Variants in SYTL2 observed in about 807,000 individuals in gnomAD.
SYTL2 encodes synaptotagmin-like protein 2.
A neutral mutation model predicts 198.7 loss-of-function variants in SYTL2; 165 were observed. The ratio of observed to expected loss-of-function variants is 0.83; its 90% confidence interval spans 0.73 to 0.94. The LOEUF is 0.94. Ranked by LOEUF, SYTL2 falls within the 40% of genes least tolerant of loss-of-function variation. The pLI is 0.00. For missense variants in SYTL2, 2,835 were observed against 2,582.8 expected (o/e 1.10, Z -2.12); for synonymous variants, 966 against 917.7 (o/e 1.05, Z -0.95).
rs765995586 is a variant in SYTL2, at chr11:85,695,241, G to T, written c.6674C>A (p.Ala2225Glu). 9 of 1,612,696 alleles carry T rather than the reference G, an allele frequency of 5.6e-6. No individual in the cohort carries two copies. The East Asian group carries it at 1.8e-4, about 32-fold the overall frequency. The change falls in exon 20 of 20, where the codon GCA (alanine) becomes GAA (glutamate). Residue 2225 changes from alanine to glutamate, a missense_variant. This residue lies in a region of SYTL2 where 185 missense variants were observed against 182.1 expected (regional missense o/e 1.02). Coordinates refer to ENST00000359152, the MANE Select transcript of SYTL2 (RefSeq NM_206927.4). The part of the protein sequence containing the change: ...MVNSPNTWIE[A>E]TLPLRMLLIA... ...CAAAAGCATTCTGAGAGGCAGTGTT[G>T]CTTCAATCCAAGTATTGGGGGAGTT...
intron 1 of SYTL2, among the ~76,000 whole-genome samples, chr11:85,803,189 A>G (rs976060037): frequency 6.6e-6 from 1 of 152,258 alleles, no homozygotes; most frequent in African/African-American, 2.4e-5. Context: ...AGGTTCAAGA[A>G]TGCATATTAT....
chr11:85,719,778 CTGGGA>C (rs1052175593), intron 9 of SYTL2, among the ~76,000 whole-genome samples: 3 of 152,162 alleles, frequency 2.0e-5, no homozygotes, highest in Admixed American at 6.5e-5. Flanking sequence ...CTTCAAACCC[CTGGGA>C]ATCTGTGAAT....
At chr11:85,701,702 G>C (rs1202330635) in intron 16 of SYTL2, among the ~76,000 whole-genome samples, 3 of 152,192 alleles carry the variant, frequency 2.0e-5, no homozygotes, top group Non-Finnish European at 4.4e-5. Context: ...CAGTTCCACT[G>C]TTGTGTAGAC....
intron 9 of SYTL2, chr11:85,719,062 TCA>T (rs1353500131): frequency 6.6e-7 from 1 of 1,511,372 alleles, no homozygotes; most frequent in Non-Finnish European, 8.8e-7. Flanking sequence ...GCAGCTCACA[TCA>T]CTGCTGCACA....
chr11:85,808,547 G>A (rs1173423541), intron 1 of SYTL2, among the ~76,000 whole-genome samples: 1 of 152,142 alleles, frequency 6.6e-6, no homozygotes, highest in African/African-American at 2.4e-5. Context: ...ACCAGAGAGT[G>A]GAAAATTCAA....
chr11:85,838,653 G>T, the SYTL2 span, among the ~76,000 whole-genome samples: 1 of 152,096 alleles, frequency 6.6e-6, no homozygotes, highest in Admixed American at 6.5e-5. Flanking sequence ...CAGATCTCAA[G>T]AGAACTCACT....
intron 9 of SYTL2, 76 bp downstream of exon 9, chr11:85,720,782 G>A: frequency 9.9e-7 from 1 of 1,014,594 alleles, no homozygotes; most frequent in Admixed American, 1.7e-5. Context: ...ACAGCACGCA[G>A]TGAGGCTACA....
chr11:85,762,398 G>A (rs2092120793), intron 1 of SYTL2, among the ~76,000 whole-genome samples: 1 of 152,178 alleles, frequency 6.6e-6, no homozygotes, highest in South Asian at 2.1e-4. Context: ...TTCTCCTTGG[G>A]TTCAGCCTCT....
chr11:85,813,628 G>A (rs976664030), upstream of SYTL2, among the ~76,000 whole-genome samples: 6 of 152,148 alleles, frequency 3.9e-5, no homozygotes, highest in Non-Finnish European at 7.3e-5. Flanking sequence ...CACAGAACTC[G>A]CTGGTTGACT....
At chr11:85,796,014 C>G (rs745480928) in intron 1 of SYTL2, among the ~76,000 whole-genome samples, 2 of 152,200 alleles carry the variant, frequency 1.3e-5, no homozygotes, top group Non-Finnish European at 2.9e-5. Flanking sequence ...CATAGAAGAG[C>G]CTTAACATTC....
chr11:85,754,399 A>G (rs1489816079), intron 2 of SYTL2, among the ~76,000 whole-genome samples: 1 of 152,198 alleles, frequency 6.6e-6, no homozygotes, highest in African/African-American at 2.4e-5. Context: ...GAATCAGTCT[A>G]CTAACTAGAA....
In SYTL2 at chr11:85,725,265, G is replaced by C; in HGVS notation, c.4093C>G (p.Pro1365Ala). 6.2e-7 allele frequency: 1 copy of C among 1,614,142 alleles called. No homozygotes were observed. Among genetic ancestry groups the C allele is most frequent in the Non-Finnish European group, 8.5e-7 (1 of 1,180,014 alleles). Residue 1365 changes from proline to alanine, a missense_variant, in exon 8 of 20, where the codon CCT becomes GCT. By Grantham distance (27) the Pro-to-Ala change is conservative (BLOSUM62 -1). This residue lies in a region of SYTL2 where 2,645 missense variants were observed against 2,381.7 expected (regional missense o/e 1.11). Transcript: ENST00000359152. ...GCAGCACTTACATCATTCAATACAGGTCTGGGTGGAAGAATGACTTTCTCT... is the reference window on the plus strand; with the variant it reads ...GCAGCACTTACATCATTCAATACAGCTCTGGGTGGAAGAATGACTTTCTCT... The part of the protein sequence containing the change: ...TVEKVILPPR[P>A]VLNDVSAALQ...
chr11:85,734,735 C>A lies in SYTL2; in HGVS notation c.594G>T (p.Leu198Phe). The change falls in exon 7 of 20, where the codon TTG becomes TTT. Residue 198 changes from leucine to phenylalanine, a missense_variant. Coordinates refer to ENST00000359152, the MANE Select transcript of SYTL2 (RefSeq NM_206927.4). ...GLFQTSKEDE[L>F]SESKEKSTVA... ...CAGTTGACTTTTCTTTTGACTCTGA[C>A]AATTCATCTGAAAATTAAAACACAG... 1.9e-6 allele frequency: 3 copies of A among 1,609,304 alleles called. No individual in the cohort carries two copies. Among genetic ancestry groups the A allele is most frequent in the Non-Finnish European group, 1.7e-6 (2 of 1,178,040 alleles).
intron 1 of SYTL2, among the ~76,000 whole-genome samples, chr11:85,789,365 T>TATATAC (rs1566026203): frequency 8.0e-5 from 5 of 62,656 alleles, no homozygotes; most frequent in African/African-American, 3.2e-4. Context: ...TATATATATA[T>TATATAC]ATATATATAT....
chr11:85,789,380 ATATATATATATATATATAT>A (rs2092696758), intron 1 of SYTL2, among the ~76,000 whole-genome samples: 1 of 72,284 alleles, frequency 1.4e-5, no homozygotes, highest in Admixed American at 1.7e-4. Context: ...ATATATATGT[ATATATATATATATATATAT>A]AATTTTTTTT....
chr11:85,793,878 C>T (rs1181718656), intron 1 of SYTL2, among the ~76,000 whole-genome samples: 6 of 152,118 alleles, frequency 3.9e-5, no homozygotes, highest in Admixed American at 3.9e-4. Context: ...GATATGAACC[C>T]TGGAAAATAT....
intron 16 of SYTL2, among the ~76,000 whole-genome samples, chr11:85,703,598 T>C (rs2084673396): frequency 6.6e-6 from 1 of 152,166 alleles, no homozygotes; most frequent in Non-Finnish European, 1.5e-5. Flanking sequence ...CAGGAGATAT[T>C]CACTAAGAGT....
chr11:85,835,279 T>A, the SYTL2 span, among the ~76,000 whole-genome samples: 1 of 152,192 alleles, frequency 6.6e-6, no homozygotes, highest in South Asian at 2.1e-4. Flanking sequence ...ATATCACTTT[T>A]AACAAAAACT....
At position 85,726,410 on chromosome 11, in the gene SYTL2, T is replaced by C. The variant is rs2089180502; in HGVS notation, c.2948A>G (p.Glu983Gly). 6.2e-7 allele frequency: 1 copy of C among 1,613,296 alleles called. No individual in the cohort carries two copies. The highest frequency in any genetic ancestry group is 1.3e-5 in the African/African-American group (1 of 74,946). Residue 983 changes from glutamate to glycine, a missense_variant, in exon 8 of 20, where the codon GAG (glutamate) becomes GGG (glycine). Glu to Gly is a moderately conservative substitution (Grantham distance 98). This residue lies in a region of SYTL2 where 2,645 missense variants were observed against 2,381.7 expected (regional missense o/e 1.11). Coordinates refer to ENST00000359152, the MANE Select transcript of SYTL2 (RefSeq NM_206927.4). ...AEQVYNPSQF[E>G]NLRKFWDLEA... ...TAAGTCCCAAAACTTTCTCAAATTCTCAAACTGAGAGGGATTATAGACCTG... is the reference window on the plus strand; with the variant it reads ...TAAGTCCCAAAACTTTCTCAAATTCCCAAACTGAGAGGGATTATAGACCTG...
Sources: gnomAD v4.1 joint callset for allele counts (sites outside exome capture counted in the v4.1 genomes callset) on GRCh38, gnomAD v4.1.1 for gene constraint, gnomAD v4.1.1 regional missense constraint, MANE v1.5 for transcripts, NCBI Gene and HGNC (gene_info 2026-07-23, HGNC 2026-07-21) for gene names.